The following NOTCH2NLB variants were observed in gnomAD, a reference collection of about 807,000 sequenced individuals.
The protein encoded by NOTCH2NLB is notch 2 N-terminal like B, also known as notch homolog 2 N-terminal-like protein B.
In NOTCH2NLB, 1 loss-of-function variant was observed where a neutral mutation model predicts 14.8. The ratio of observed to expected loss-of-function variants is 0.07; its 90% CI spans 0.02 to 0.32. The LOEUF is 0.32. Ranked by LOEUF, NOTCH2NLB falls within the 10% of genes least tolerant of loss-of-function variation. The probability of loss-of-function intolerance (pLI) is 1.00; values close to 1 mark genes in which losing one functional copy is unlikely to be tolerated. For synonymous variants in NOTCH2NLB, 6 were observed against 57.5 expected (o/e 0.10, Z 4.05); for missense variants, 11 against 155.0 (o/e 0.07, Z 4.93).
rs1362001783 is a variant in NOTCH2NLB at position 148,651,154 on chromosome 1, AAAAAAAAAAT to A, written c.4-11075_4-11066del. Among the ~76,000 whole-genome samples the A allele has an allele frequency of 9.7e-4, 79 of 81,230 alleles. 1 individual carries two copies. Among genetic ancestry groups the A allele is most frequent in the South Asian group, 7.3e-3 (16 of 2,178 alleles). 53.3% of individuals were successfully genotyped at this position (81,230 alleles called of 152,430 possible). Reference sequence around the variant, plus strand: ...CAAGACTCTGCCTGAGAAAAAAAAAAAAAAAAAAATATATATATATATATATATATATATA... The same window carrying A: ...CAAGACTCTGCCTGAGAAAAAAAAAAATATATATATATATATATATATATA... On this transcript the variant is annotated intron_variant, in intron 1 of 4. Coordinates refer to ENST00000593495, the Ensembl canonical transcript of NOTCH2NLB.
chr1:148,634,318 C>T (rs1391564891), intron 2 of NOTCH2NLB, among the ~76,000 whole-genome samples: 53 of 150,298 alleles, frequency 3.5e-4, no homozygotes, highest in Non-Finnish European at 6.0e-4. Flanking sequence ...TCAGCTGAGA[C>T]GAAAGAGAAA....
chr1:148,691,930 C>T, the NOTCH2NLB span, among the ~76,000 whole-genome samples: 1 of 78,146 alleles, frequency 1.3e-5, no homozygotes, highest in African/African-American at 6.0e-5. Flanking sequence ...CTTCCCAAGG[C>T]CCTCACCAGA....
intron 2 of NOTCH2NLB, among the ~76,000 whole-genome samples, chr1:148,625,370 T>A: frequency 1.1e-5 from 1 of 92,218 alleles, no homozygotes; most frequent in Non-Finnish European, 2.1e-5. Context: ...AAAACGAGGA[T>A]TTGGCCATTC....
chr1:148,602,527 TCA>T (rs1663401579), downstream of NOTCH2NLB, among the ~76,000 whole-genome samples: 1 of 148,568 alleles, frequency 6.7e-6, no homozygotes, highest in African/African-American at 2.4e-5. Context: ...ACCAAAGAAG[TCA>T]CAGAAATAAA....
the NOTCH2NLB span, among the ~76,000 whole-genome samples, chr1:148,688,072 AAAAC>A: frequency 8.9e-3 from 1,146 of 129,388 alleles, 1 homozygote; most frequent in African/African-American, 0.035. Context: ...AACAAAAATT[AAAAC>A]AAACAATAAC....
At chr1:148,651,147 A>G (rs1664494375) in intron 1 of NOTCH2NLB, among the ~76,000 whole-genome samples, 3 of 73,052 alleles carry the variant, frequency 4.1e-5, no homozygotes, top group Admixed American at 1.4e-4. Context: ...TGCCTGAGAA[A>G]AAAAAAAAAA....
exon 1 of NOTCH2NLB, chr1:148,679,723 G>A: frequency 2.0e-6 from 2 of 1,001,682 alleles, no homozygotes; most frequent in Non-Finnish European, 2.5e-6. Flanking sequence ...CTCGGCCGCC[G>A]CCTCAGCCGC....
rs1222724470 is a variant in NOTCH2NLB, at chr1:148,670,529, TA to T, written c.3+8932del. On this transcript the variant is annotated intron_variant, in intron 1 of 4. Transcript: ENST00000593495. The stretch of plus-strand genomic sequence containing the variant: ...TATATATGTAGATCTGTTCATAAAC[TA>T]AAAAAAAAAATATATATATATACAT... 9.2e-3 allele frequency among the ~76,000 whole-genome samples: 884 copies of T among 96,038 alleles called. 16 individuals carry two copies. The highest frequency in any genetic ancestry group is 0.025 in the African/African-American group (711 of 28,324). The allele number at this position is 96,038 out of a possible 152,430, so 63.0% of individuals were successfully genotyped here.
At chr1:148,613,370 G>C (rs1162763876) in intron 3 of NOTCH2NLB, among the ~76,000 whole-genome samples, 1 of 150,212 alleles carries the variant, frequency 6.7e-6, no homozygotes, top group Non-Finnish European at 1.5e-5. Context: ...TGAATTGAAG[G>C]ATACAAAATA....
chr1:148,627,806 A>G (rs1341279429), intron 2 of NOTCH2NLB, among the ~76,000 whole-genome samples: 129 of 138,350 alleles, frequency 9.3e-4, no homozygotes, highest in African/African-American at 3.4e-3. Flanking sequence ...ATTAATTCTC[A>G]TACTCCCAGT....
intron 1 of NOTCH2NLB, among the ~76,000 whole-genome samples, chr1:148,661,502 G>A (rs1351388418): frequency 4.8e-5 from 7 of 146,122 alleles, no homozygotes; most frequent in East Asian, 1.9e-4. Context: ...TCAACCTGTC[G>A]TGAATAAAAA....
intron 2 of NOTCH2NLB, among the ~76,000 whole-genome samples, chr1:148,633,508 G>C (rs1418927413): frequency 4.8e-5 from 3 of 62,214 alleles, no homozygotes; most frequent in Non-Finnish European, 8.2e-5. Flanking sequence ...AGCCAAGAAA[G>C]CGCCACTGCA....
chr1:148,662,533 CAT>C (rs1664717314), intron 1 of NOTCH2NLB, among the ~76,000 whole-genome samples: 1 of 81,438 alleles, frequency 1.2e-5, no homozygotes, highest in Non-Finnish European at 2.2e-5. Context: ...ACTAGCAGGA[CAT>C]ATGAAAGTTG....
chr1:148,637,518 G>C (rs1664233845), intron 2 of NOTCH2NLB, among the ~76,000 whole-genome samples: 1 of 146,310 alleles, frequency 6.8e-6, no homozygotes, highest in African/African-American at 2.6e-5. Flanking sequence ...TCTTCAAATA[G>C]AACCAATTTG....
At chr1:148,636,826 C>T (rs1207891445) in intron 2 of NOTCH2NLB, among the ~76,000 whole-genome samples, 49 of 138,028 alleles carry the variant, frequency 3.6e-4, no homozygotes, top group African/African-American at 1.4e-3. Flanking sequence ...CCCTGCCACT[C>T]CTAAATATGC....
the NOTCH2NLB span, among the ~76,000 whole-genome samples, chr1:148,699,864 CT>C: frequency 2.5e-4 from 10 of 39,666 alleles, 1 homozygote; most frequent in East Asian, 1.8e-3. Flanking sequence ...CATTTTTTTA[CT>C]TTTTTTTTTT....
In NOTCH2NLB at chr1:148,621,457, G is replaced by A. The variant is rs1448500059; in HGVS notation, c.78-5507C>T. ...GATAGAAAGTAGATTAGTGTTGCCA[G>A]GAGCTGTAAAGAAGGGAAATAGACA... On this transcript the variant is annotated intron_variant, in intron 2 of 4. Transcript: ENST00000593495. 3.5e-5 allele frequency among the ~76,000 whole-genome samples: 3 copies of A among 86,736 alleles called. 1 individual carries two copies. Among genetic ancestry groups the A allele is most frequent in the Non-Finnish European group, 5.8e-5 (3 of 51,962 alleles). The allele number at this position is 86,736 out of a possible 152,430, so 56.9% of individuals were successfully genotyped here. A position where few individuals can be genotyped will look rare whatever the true frequency, so the allele number is the denominator to read the frequency against.
At chr1:148,670,240 T>A (rs1371247218) in intron 1 of NOTCH2NLB, among the ~76,000 whole-genome samples, 1 of 105,258 alleles carries the variant, frequency 9.5e-6, no homozygotes, top group Non-Finnish European at 2.1e-5. Context: ...TTGTGACATA[T>A]TTAAGACAAA....
chr1:148,608,502 A>C (rs1433542005), intron 3 of NOTCH2NLB, among the ~76,000 whole-genome samples: 60 of 152,270 alleles, frequency 3.9e-4, no homozygotes, highest in African/African-American at 1.3e-3. Flanking sequence ...CCTCACATAC[A>C]TACATGTGCG....
Sources: gnomAD v4.1 joint callset for allele counts (sites outside exome capture counted in the v4.1 genomes callset) on GRCh38, gnomAD v4.1.1 for gene constraint, MANE v1.5 for transcripts, NCBI Gene and HGNC (gene_info 2026-07-23, HGNC 2026-07-21) for gene names.